The following TTLL7 variants were observed in gnomAD, a reference collection of about 807,000 sequenced individuals.
TTLL7 encodes tubulin polyglutamylase TTLL7.
In TTLL7, 53 loss-of-function variants were observed where a neutral mutation model predicts 120.2. That is an observed-to-expected ratio of 0.44 (90% CI 0.35 to 0.55). The LOEUF (loss-of-function observed/expected upper bound fraction) is 0.55, where lower values mean the gene tolerates loss of function less well. Ranked by LOEUF, TTLL7 falls within the 20% of genes least tolerant of loss-of-function variation. The pLI is 0.00. For synonymous variants in TTLL7, 353 were observed against 351.7 expected (o/e 1.00, Z -0.04); for missense variants, 803 against 1,054.7 (o/e 0.76, Z 3.31).
chr1:83,870,052 G>A lies in TTLL7; in HGVS notation c.2574C>T (p.Phe858=). 2 of 1,577,914 alleles carry A rather than the reference G, an allele frequency of 1.3e-6. No individual in the cohort carries two copies. The highest frequency in any genetic ancestry group is 2.3e-5 in the East Asian group (1 of 42,722). The change falls in exon 21 of 21, where the codon TTC becomes TTT. Residue 858 remains phenylalanine, a synonymous_variant. Coordinates refer to ENST00000260505, the MANE Select transcript of TTLL7 (RefSeq NM_024686.6). ...RYLLPGSTQF[F]LRTPTYNLKY... is the part of the protein sequence containing the mutation. ...TCAAGTTGTAGGTTGGTGTTCTCAA[G>A]AAGAATTGGGTGCTCCCTGGTAGTA...
intron 18 of TTLL7, among the ~76,000 whole-genome samples, chr1:83,895,589 C>G (rs1656140154): frequency 6.6e-6 from 1 of 152,004 alleles, no homozygotes. Context: ...CAAATGAATT[C>G]AGGTAGGTTA....
At chr1:83,873,058 T>C (rs1217479865) in intron 20 of TTLL7, among the ~76,000 whole-genome samples, 2 of 152,168 alleles carry the variant, frequency 1.3e-5, no homozygotes, top group African/African-American at 2.4e-5. Flanking sequence ...TTAAAACTAA[T>C]GGGTACAATT....
chr1:83,998,643 C>A (rs991803279), intron 1 of TTLL7, among the ~76,000 whole-genome samples: 2 of 151,830 alleles, frequency 1.3e-5, no homozygotes, highest in African/African-American at 4.8e-5. Context: ...CCCGCCCGCC[C>A]GAGTCTCCCA....
chr1:83,906,930 C>T (rs528732440), intron 16 of TTLL7, among the ~76,000 whole-genome samples: 14 of 152,098 alleles, frequency 9.2e-5, no homozygotes, highest in African/African-American at 3.1e-4. Flanking sequence ...TAAAAGTAAG[C>T]CTTCTTACAA....
intron 20 of TTLL7, among the ~76,000 whole-genome samples, chr1:83,872,775 C>T (rs1012045435): frequency 2.0e-5 from 3 of 152,140 alleles, no homozygotes; most frequent in Non-Finnish European, 2.9e-5. Flanking sequence ...TTTCTATGTG[C>T]CCAGCACTAT....
At chr1:83,939,058 T>C (rs1401701640) in intron 7 of TTLL7, among the ~76,000 whole-genome samples, 1 of 152,204 alleles carries the variant, frequency 6.6e-6, no homozygotes, top group Admixed American at 6.5e-5. Context: ...ATTTATTTTT[T>C]TCATTCATTA....
At chr1:83,925,648 C>T (rs1320098218) in intron 10 of TTLL7, among the ~76,000 whole-genome samples, 1 of 152,182 alleles carries the variant, frequency 6.6e-6, no homozygotes, top group Non-Finnish European at 1.5e-5. Flanking sequence ...AGCTTTCTAG[C>T]CTGGACTTTC....
At chr1:83,889,926 G>C (rs559212375) in intron 19 of TTLL7, 1 of 458,408 alleles carries the variant, frequency 2.2e-6, no homozygotes, top group African/African-American at 2.0e-5. Flanking sequence ...CCGAATAAAA[G>C]GACATGGAAT....
At chr1:83,967,567 A>C (rs1291611398) in intron 1 of TTLL7, among the ~76,000 whole-genome samples, 1 of 152,120 alleles carries the variant, frequency 6.6e-6, no homozygotes, top group Admixed American at 6.6e-5. Context: ...AGCTAATTCC[A>C]AATCCAGTTC....
chr1:83,913,581 T>G (rs1289443528), intron 14 of TTLL7, among the ~76,000 whole-genome samples: 1 of 152,198 alleles, frequency 6.6e-6, no homozygotes, highest in East Asian at 1.9e-4. Flanking sequence ...TTTTGAAGTT[T>G]TGCTCACTTT....
Position 83,948,661 on chromosome 1 carries a change from C to A in TTLL7, c.314G>T (p.Cys105Phe). The change falls in exon 5 of 21, where the codon TGT (cysteine) becomes TTT (phenylalanine). Residue 105 changes from cysteine (C) to phenylalanine (F), a missense_variant. Physicochemically the swap from Cys to Phe is radical, Grantham distance 205 (BLOSUM62 -2). Around this residue, in one of 3 missense-constraint regions of TTLL7, gnomAD observed 324 missense variants for 507.7 expected, o/e 0.64. Coordinates refer to ENST00000260505, the MANE Select transcript of TTLL7 (RefSeq NM_024686.6). ...INHFPGMGEICRKDFLARNMT... is the reference protein window; with the variant it reads ...INHFPGMGEIFRKDFLARNMT... ...ATTTCTTGCTAAGAAATCCTTCCTACAGATCTCCCCCATTCCTGGAAAATG... is the reference window on the plus strand; with the variant it reads ...ATTTCTTGCTAAGAAATCCTTCCTAAAGATCTCCCCCATTCCTGGAAAATG... 6.2e-7 allele frequency: 1 copy of A among 1,611,034 alleles called. No homozygotes were observed. Among genetic ancestry groups the A allele is most frequent in the Admixed American group, 1.7e-5 (1 of 59,920 alleles).
intron 1 of TTLL7, among the ~76,000 whole-genome samples, chr1:83,988,763 C>T (rs563685203): frequency 4.0e-5 from 6 of 151,822 alleles, no homozygotes; most frequent in South Asian, 2.1e-4. Flanking sequence ...AGCTGGGGTG[C>T]GGTGGCACGA....
At chr1:83,872,179 T>C (rs555364603) in intron 20 of TTLL7, among the ~76,000 whole-genome samples, 4 of 152,296 alleles carry the variant, frequency 2.6e-5, no homozygotes, top group African/African-American at 7.2e-5. Context: ...TATCTAATAA[T>C]ATCTTCTAAA....
intron 19 of TTLL7, chr1:83,889,865 G>A: frequency 8.8e-6 from 4 of 455,882 alleles, no homozygotes; most frequent in South Asian, 6.2e-5. Context: ...CAACTTGTAT[G>A]ACTGAGAGAA....
intron 20 of TTLL7, among the ~76,000 whole-genome samples, chr1:83,871,896 CAAAA>C (rs1281907006): frequency 2.3e-5 from 1 of 43,998 alleles, no homozygotes. Flanking sequence ...GACTCCATCT[CAAAA>C]AAAAAAAAAA....
At chr1:83,947,452 T>C (rs1324561033) in intron 5 of TTLL7, 170 bp from the exon 6 acceptor site, 4 of 600,316 alleles carry the variant, frequency 6.7e-6, no homozygotes, top group South Asian at 4.5e-5. Flanking sequence ...CTATTAAGTG[T>C]TAGACACTAT....
chr1:83,877,492 T>C (rs943922331), intron 20 of TTLL7, among the ~76,000 whole-genome samples: 1 of 151,824 alleles, frequency 6.6e-6, no homozygotes, highest in African/African-American at 2.4e-5. Context: ...GTGGAAGGGC[T>C]CTTAATAATT....
rs146563880 is a variant in TTLL7 at position 83,997,818 on chromosome 1, A to G, written c.-177+1113T>C. Among the ~76,000 whole-genome samples, 18 of 152,344 alleles carry G rather than the reference A, an allele frequency of 1.2e-4. No individual in the cohort carries two copies. The East Asian group carries it at 3.5e-3, about 29-fold the overall frequency. On this transcript the variant is annotated intron_variant, in intron 1 of 20. Transcript: ENST00000260505. ...TCTTACGTTTTTAATCGACTTCTCC[A>G]ACACTTGAGCATCCACCAAATATCA...
chr1:83,974,858 T>G (rs1274278338), intron 1 of TTLL7, among the ~76,000 whole-genome samples: 1 of 152,080 alleles, frequency 6.6e-6, no homozygotes, highest in African/African-American at 2.4e-5. Flanking sequence ...TCTAAAAATT[T>G]TTTTAAGTTT....
Sources: allele counts gnomAD v4.1 joint callset (sites outside exome capture counted in the v4.1 genomes callset), GRCh38; gene constraint gnomAD v4.1.1; regional missense constraint gnomAD v4.1.1; transcripts MANE v1.5; gene names NCBI Gene and HGNC (gene_info 2026-07-23, HGNC 2026-07-21).